Variants in HPSE2 observed in about 807,000 individuals in gnomAD.
HPSE2 encodes inactive heparanase-2.
In HPSE2, 38 loss-of-function variants were observed where a neutral mutation model predicts 60.5. The observed-to-expected ratio is 0.63, with a 90% confidence interval of 0.48 to 0.82. The LOEUF (loss-of-function observed/expected upper bound fraction) is 0.82. Ranked by LOEUF, HPSE2 falls within the 40% of genes least tolerant of loss-of-function variation. The pLI is 0.00. For synonymous variants in HPSE2, 295 were observed against 293.2 expected, an observed-to-expected ratio of 1.01 and a Z score of -0.06; for missense variants, 713 against 740.4, an observed-to-expected ratio of 0.96 and a Z score of 0.43.
At chr10:99,303,181 A>AT in the HPSE2 span, among the ~76,000 whole-genome samples, 2 of 152,114 alleles carry the variant, frequency 1.3e-5, no homozygotes, top group African/African-American at 4.8e-5. Context: ...GCAAAAGCTC[A>AT]TATTTTAACA....
chr10:99,008,612 C>A (rs1031481809), intron 3 of HPSE2, among the ~76,000 whole-genome samples: 1 of 152,128 alleles, frequency 6.6e-6, no homozygotes, highest in Non-Finnish European at 1.5e-5. Context: ...ATTCACAGCC[C>A]CATTTGGAAA....
chr10:99,056,268 G>T (rs1958112429), intron 3 of HPSE2, among the ~76,000 whole-genome samples: 1 of 151,766 alleles, frequency 6.6e-6, no homozygotes, highest in Non-Finnish European at 1.5e-5. Context: ...TGAAAAAACA[G>T]ATCTGAATAT....
intron 3 of HPSE2, among the ~76,000 whole-genome samples, chr10:99,075,013 T>C (rs1401908055): frequency 6.6e-6 from 1 of 152,148 alleles, no homozygotes; most frequent in Non-Finnish European, 1.5e-5. Context: ...ATTAGTTTTG[T>C]TGGTCTCTTC....
At chr10:98,773,930 G>T (rs1168753784) in intron 3 of HPSE2, among the ~76,000 whole-genome samples, 2 of 152,032 alleles carry the variant, frequency 1.3e-5, no homozygotes. Context: ...TGTGGTACAT[G>T]CCTGTAGTTC....
At chr10:98,521,190 A>G (rs1192143255) in intron 9 of HPSE2, among the ~76,000 whole-genome samples, 1 of 152,258 alleles carries the variant, frequency 6.6e-6, no homozygotes, top group Non-Finnish European at 1.5e-5. Flanking sequence ...AACTACCATC[A>G]GAGTGAACAG....
intron 3 of HPSE2, among the ~76,000 whole-genome samples, chr10:99,105,368 C>T (rs537905594): frequency 6.8e-4 from 104 of 151,934 alleles, no homozygotes; most frequent in African/African-American, 2.4e-3. Context: ...GCTTATTAGC[C>T]ATTTGAATAT....
chr10:99,106,532 G>T (rs780338786), intron 3 of HPSE2, among the ~76,000 whole-genome samples: 34 of 151,648 alleles, frequency 2.2e-4, no homozygotes, highest in Non-Finnish European at 2.9e-5. Flanking sequence ...ATCCAACTGG[G>T]TCATGATATA....
chr10:98,761,069 A>AT (rs1159478702), intron 3 of HPSE2, among the ~76,000 whole-genome samples: 1 of 151,988 alleles, frequency 6.6e-6, no homozygotes, highest in African/African-American at 2.4e-5. Context: ...AAATTTCTCC[A>AT]TTTTGTCTAG....
intron 9 of HPSE2, among the ~76,000 whole-genome samples, chr10:98,531,339 C>G (rs753219567): frequency 2.8e-4 from 43 of 152,194 alleles, no homozygotes; most frequent in Admixed American, 2.3e-3. Context: ...GCTAAGCTCT[C>G]CCCTTAGTAT....
chr10:98,845,403 C>G (rs1413179120), intron 3 of HPSE2, among the ~76,000 whole-genome samples: 1 of 152,114 alleles, frequency 6.6e-6, no homozygotes, highest in Non-Finnish European at 1.5e-5. Flanking sequence ...GTCTGTCTCT[C>G]CTATATAGAC....
At chr10:98,562,322 T>G (rs1156759052) in intron 9 of HPSE2, among the ~76,000 whole-genome samples, 1 of 152,188 alleles carries the variant, frequency 6.6e-6, no homozygotes, top group Admixed American at 6.5e-5. Flanking sequence ...TTAGAATATA[T>G]TCTTAATGTT....
At chr10:98,962,792 C>A (rs908683908) in intron 3 of HPSE2, among the ~76,000 whole-genome samples, 2 of 150,608 alleles carry the variant, frequency 1.3e-5, no homozygotes, top group African/African-American at 4.9e-5. Flanking sequence ...CAACAACAGA[C>A]AAACAGAGAG....
At chr10:98,906,177 C>T (rs985085941) in intron 3 of HPSE2, among the ~76,000 whole-genome samples, 28 of 152,182 alleles carry the variant, frequency 1.8e-4, no homozygotes, top group Admixed American at 1.3e-4. Flanking sequence ...CCAATGTCTT[C>T]CTCTGCCCAA....
chr10:98,908,422 G>A (rs374067740), intron 3 of HPSE2, among the ~76,000 whole-genome samples: 5 of 152,032 alleles, frequency 3.3e-5, no homozygotes, highest in South Asian at 2.1e-4. Context: ...AGTGGCTCAC[G>A]CCTGTTATCC....
At chr10:98,567,532 A>C (rs1944380995) in intron 9 of HPSE2, among the ~76,000 whole-genome samples, 1 of 152,100 alleles carries the variant, frequency 6.6e-6, no homozygotes, top group Non-Finnish European at 1.5e-5. Context: ...TGTCACCGGG[A>C]TTTCTAAGCT....
the HPSE2 span, among the ~76,000 whole-genome samples, chr10:99,292,307 C>T: frequency 6.6e-6 from 1 of 152,148 alleles, no homozygotes; most frequent in Admixed American, 6.5e-5. Context: ...ATTCATTCAT[C>T]AAATAAATAT....
chr10:98,893,904 GAAAAAAA>G (rs5787315), intron 3 of HPSE2, among the ~76,000 whole-genome samples: 1 of 144,324 alleles, frequency 6.9e-6, no homozygotes, highest in Non-Finnish European at 1.5e-5. Context: ...TGGTAAACTA[GAAAAAAA>G]AAAAATAGGC....
At chr10:99,189,873 ACTGT>A (rs1848159331) in intron 2 of HPSE2, among the ~76,000 whole-genome samples, 1 of 152,148 alleles carries the variant, frequency 6.6e-6, no homozygotes, top group Non-Finnish European at 1.5e-5. Context: ...AATTGACCAC[ACTGT>A]CTGATACCAA....
intron 2 of HPSE2, among the ~76,000 whole-genome samples, chr10:99,156,838 A>G (rs1174263022): frequency 1.9e-4 from 16 of 84,672 alleles, no homozygotes; most frequent in African/African-American, 3.6e-4. Context: ...ACATGATTGT[A>G]TATCTAGAAA....
Sources: allele counts gnomAD v4.1 joint callset (sites outside exome capture counted in the v4.1 genomes callset), GRCh38; gene constraint gnomAD v4.1.1; transcripts MANE v1.5; gene names NCBI Gene and HGNC (gene_info 2026-07-23, HGNC 2026-07-21).